Variants in HECW1 observed in about 807,000 individuals in gnomAD.
The protein encoded by HECW1 is HECT, C2 and WW domain containing E3 ubiquitin protein ligase 1.
A neutral mutation model predicts 182.3 loss-of-function variants in HECW1; 61 were observed. The ratio of observed to expected loss-of-function variants is 0.33; its 90% confidence interval spans 0.27 to 0.41. HECW1 has a LOEUF of 0.41. Ranked by LOEUF, HECW1 falls within the 10% of genes least tolerant of loss-of-function variation. The pLI is 1.00. For synonymous variants in HECW1, 859 were observed against 832.6 expected (o/e 1.03, Z -0.55); for missense variants, 1,739 against 2,108.9 (o/e 0.82, Z 3.44).
intron 6 of HECW1, among the ~76,000 whole-genome samples, chr7:43,379,744 C>A (rs145745658): frequency 3.9e-5 from 6 of 152,100 alleles, no homozygotes; most frequent in Admixed American, 3.9e-4. Context: ...CCATTTAGAT[C>A]GTTTTCTCAA....
chr7:43,284,855 G>A (rs761861666), intron 3 of HECW1, among the ~76,000 whole-genome samples: 1 of 152,112 alleles, frequency 6.6e-6, no homozygotes, highest in African/African-American at 2.4e-5. Context: ...AATTGTGGAG[G>A]AAAAAGGTTA....
At chr7:43,247,680 G>A in intron 3 of HECW1, among the ~76,000 whole-genome samples, 1 of 142,938 alleles carries the variant, frequency 7.0e-6, no homozygotes, top group African/African-American at 2.6e-5. Context: ...GGAGAGGGAG[G>A]GAGGGAGGGA....
chr7:43,407,813 T>G, intron 8 of HECW1, 82 bp downstream of exon 8: 12 of 1,245,450 alleles, frequency 9.6e-6, no homozygotes, highest in Non-Finnish European at 1.4e-5. Flanking sequence ...TTCCCTCCAT[T>G]CATGGAGCCC....
chr7:43,536,043 C>T (rs1326910333), intron 24 of HECW1, among the ~76,000 whole-genome samples: 2 of 152,108 alleles, frequency 1.3e-5, no homozygotes, highest in Non-Finnish European at 2.9e-5. Flanking sequence ...AGGAATCTAA[C>T]CATGAACTGT....
chr7:43,313,156 A>G (rs914230490), intron 4 of HECW1, among the ~76,000 whole-genome samples: 2 of 152,220 alleles, frequency 1.3e-5, no homozygotes, highest in African/African-American at 4.8e-5. Context: ...CGTTTATAAT[A>G]CACACATTAA....
At chr7:43,370,164 A>G (rs1817152790) in intron 6 of HECW1, among the ~76,000 whole-genome samples, 1 of 152,242 alleles carries the variant, frequency 6.6e-6, no homozygotes, top group South Asian at 2.1e-4. Context: ...AACAATGAGA[A>G]AGCAATCAAG....
At chr7:43,515,837 A>G (rs767875179) in intron 24 of HECW1, among the ~76,000 whole-genome samples, 23 of 152,334 alleles carry the variant, frequency 1.5e-4, no homozygotes, top group Non-Finnish European at 2.4e-4. Flanking sequence ...TATATAAGAA[A>G]CTACCAAGTT....
intron 2 of HECW1, among the ~76,000 whole-genome samples, chr7:43,131,075 G>A (rs1204800822): frequency 7.0e-6 from 1 of 142,522 alleles, no homozygotes; most frequent in African/African-American, 2.5e-5. Context: ...AGACCAGCCT[G>A]GCCAATATGG....
chr7:43,339,817 C>A (rs1562858377), intron 5 of HECW1, among the ~76,000 whole-genome samples: 1 of 152,068 alleles, frequency 6.6e-6, no homozygotes, highest in Non-Finnish European at 1.5e-5. Flanking sequence ...TCCTTAGGAC[C>A]CCTCTCAAGG....
chr7:43,495,178 C>T (rs1427265338), intron 19 of HECW1, among the ~76,000 whole-genome samples: 1 of 152,094 alleles, frequency 6.6e-6, no homozygotes, highest in African/African-American at 2.4e-5. Context: ...GATTGTTACA[C>T]AGGTATACAT....
intron 4 of HECW1, among the ~76,000 whole-genome samples, chr7:43,319,249 C>T (rs902492134): frequency 2.0e-5 from 3 of 151,188 alleles, no homozygotes; most frequent in Admixed American, 6.6e-5. Context: ...TAGCCGGGCG[C>T]GGTGGCGGGC....
intron 6 of HECW1, among the ~76,000 whole-genome samples, chr7:43,363,926 C>G (rs1025189144): frequency 6.6e-6 from 1 of 152,148 alleles, no homozygotes; most frequent in Non-Finnish European, 1.5e-5. Context: ...AGCAACTTTC[C>G]GGGTTAAATA....
chr7:43,487,709 G>C (rs2152914660), intron 17 of HECW1, among the ~76,000 whole-genome samples: 1 of 152,316 alleles, frequency 6.6e-6, no homozygotes, highest in African/African-American at 2.4e-5. Context: ...TGTAATCCCA[G>C]CACTTTGGGA....
intron 17 of HECW1, among the ~76,000 whole-genome samples, chr7:43,488,481 AAAG>A (rs1308475723): frequency 3.3e-4 from 49 of 148,010 alleles, no homozygotes; most frequent in African/African-American, 1.1e-3. Context: ...AGAAAGAAAG[AAAG>A]AAAGAGAAAG....
At chr7:43,273,333 TAAAG>T (rs950499319) in intron 3 of HECW1, among the ~76,000 whole-genome samples, 3 of 151,340 alleles carry the variant, frequency 2.0e-5, no homozygotes, top group Non-Finnish European at 2.9e-5. Flanking sequence ...TTGAAAAAAA[TAAAG>T]ATAAATAAAT....
intron 13 of HECW1, among the ~76,000 whole-genome samples, chr7:43,457,943 G>A (rs1392019238): frequency 3.3e-5 from 5 of 152,178 alleles, no homozygotes; most frequent in Non-Finnish European, 4.4e-5. Flanking sequence ...CAGCAGCCGA[G>A]TGTTTTAAGT....
intron 6 of HECW1, among the ~76,000 whole-genome samples, chr7:43,377,088 T>C (rs1450606759): frequency 6.6e-6 from 1 of 152,116 alleles, no homozygotes; most frequent in Non-Finnish European, 1.5e-5. Flanking sequence ...CACAGAGGCA[T>C]TCGGACAAGT....
At chr7:43,221,405 C>A (rs1362932504) in intron 2 of HECW1, among the ~76,000 whole-genome samples, 5 of 151,984 alleles carry the variant, frequency 3.3e-5, no homozygotes, top group Non-Finnish European at 7.4e-5. Flanking sequence ...GAAATGAAGC[C>A]TATTTACCTT....
At chr7:43,275,296 A>C (rs987126909) in intron 3 of HECW1, among the ~76,000 whole-genome samples, 1 of 152,212 alleles carries the variant, frequency 6.6e-6, no homozygotes, top group Non-Finnish European at 1.5e-5. Context: ...CTCATAACAT[A>C]ATGTTACATA....
Sources: gnomAD v4.1 joint callset for allele counts (sites outside exome capture counted in the v4.1 genomes callset) on GRCh38, gnomAD v4.1.1 for gene constraint, MANE v1.5 for transcripts, NCBI Gene and HGNC (gene_info 2026-07-23, HGNC 2026-07-21) for gene names.